Variants in STX7 observed in about 807,000 individuals in gnomAD.
The protein encoded by STX7 is syntaxin 7.
STX7 carries 34 observed loss-of-function variants against 39.6 expected under a neutral mutation model. The ratio of observed to expected loss-of-function variants is 0.86; its 90% confidence interval spans 0.65 to 1.14. The LOEUF (loss-of-function observed/expected upper bound fraction) is 1.14, where lower values mean the gene tolerates loss of function less well. Among genes scored for constraint, STX7 ranks in the 50% most tolerant of loss-of-function variants. STX7 has a pLI of 0.00. For synonymous variants in STX7, 119 were observed against 99.1 expected (o/e 1.20, Z -1.19); for missense variants, 284 against 310.4 (o/e 0.92, Z 0.64).
intron 9 of STX7, 24 bp downstream of exon 9, chr6:132,463,969 G>A (rs759441435): frequency 1.2e-6 from 2 of 1,612,008 alleles, no homozygotes; most frequent in Non-Finnish European, 1.7e-6. Flanking sequence ...TAAGTTATAA[G>A]AAAATTGATC....
chr6:132,479,445 T>C (rs1422572231), intron 2 of STX7, among the ~76,000 whole-genome samples: 2 of 152,218 alleles, frequency 1.3e-5, no homozygotes, highest in South Asian at 2.1e-4. Flanking sequence ...TTTTGAGACT[T>C]GTTCTGGCCT....
rs1436680409 is a variant in STX7, at chr6:132,447,652, TCTC to T, written c.*13103_*13105del. On this transcript the variant is annotated 3_prime_UTR_variant, in exon 10 of 10. Coordinates refer to ENST00000367941, the MANE Select transcript of STX7 (RefSeq NM_003569.3). ...TTGAAATTTTTATTATTTTTGAGAG[TCTC>T]CTTATCCTTATTAATGCTTTTCACT... is the stretch of plus-strand genomic sequence containing the variant. 1 of 152,090 alleles carries T rather than the reference TCTC, an allele frequency of 6.6e-6. No homozygotes were observed. Among genetic ancestry groups the T allele is most frequent in the Non-Finnish European group, 1.5e-5 (1 of 68,000 alleles). The allele number at this position is 152,090 out of a possible 1,614,324, so 9.4% of individuals were successfully genotyped here. A position where few individuals can be genotyped will look rare whatever the true frequency, so the allele number is the denominator to read the frequency against.
chr6:132,503,329 G>A, intron 2 of STX7, 117 bp downstream of exon 2: 1 of 807,094 alleles, frequency 1.2e-6, no homozygotes, highest in Non-Finnish European at 2.1e-6. Context: ...TTTAAAACCT[G>A]TTGTTAGAGG....
At chr6:132,498,359 C>T (rs1775469359) in intron 2 of STX7, among the ~76,000 whole-genome samples, 1 of 152,030 alleles carries the variant, frequency 6.6e-6, no homozygotes, top group Non-Finnish European at 1.5e-5. Context: ...ATTCAAAAGA[C>T]TGCAGATGGT....
At chr6:132,490,370 T>G (rs139533349) in intron 2 of STX7, among the ~76,000 whole-genome samples, 1 of 152,340 alleles carries the variant, frequency 6.6e-6, no homozygotes, top group East Asian at 1.9e-4. Flanking sequence ...TGCCAACACA[T>G]GCTGGCAGCT....
chr6:132,490,846 G>A (rs1323314876), intron 2 of STX7, among the ~76,000 whole-genome samples: 1 of 152,300 alleles, frequency 6.6e-6, no homozygotes, highest in East Asian at 1.9e-4. Flanking sequence ...TTGGAAAGAG[G>A]TGTCTGTGCA....
At chr6:132,466,262 C>A (rs909317026) in intron 8 of STX7, among the ~76,000 whole-genome samples, 2 of 152,220 alleles carry the variant, frequency 1.3e-5, no homozygotes, top group African/African-American at 2.4e-5. Flanking sequence ...AGCTGACCAT[C>A]TATTGTTCTG....
At position 132,448,699 on chromosome 6, in the gene STX7, G is replaced by C. The variant is rs1030227781; in HGVS notation, c.*12059C>G. 1.3e-5 allele frequency: 2 copies of C among 151,974 alleles called. No homozygotes were observed. The highest frequency in any genetic ancestry group is 6.6e-5 in the Admixed American group (1 of 15,254). The allele number at this position is 151,974 out of a possible 1,614,324, so 9.4% of individuals were successfully genotyped here. On this transcript the variant is annotated 3_prime_UTR_variant, in exon 10 of 10. Transcript: ENST00000367941. ...AAAATACAAAAAAATTAGCCAGGTTGTGGTGGCGCACACCTGTACTCCCAG... is the reference window on the plus strand; with the variant it reads ...AAAATACAAAAAAATTAGCCAGGTTCTGGTGGCGCACACCTGTACTCCCAG...
chr6:132,490,842 A>G (rs923680008), intron 2 of STX7, among the ~76,000 whole-genome samples: 34 of 152,180 alleles, frequency 2.2e-4, no homozygotes, highest in Non-Finnish European at 3.5e-4. Context: ...CACCTTGGAA[A>G]GAGGTGTCTG....
In STX7 at chr6:132,460,712, T is replaced by G. The variant is rs1292871190; in HGVS notation, c.*46A>C. ...AAAAACATGATTACAGGAATCTTCC[T>G]ACATAATTTAGACAATGTAGTGCGA... On this transcript the variant is annotated 3_prime_UTR_variant, in exon 10 of 10. Transcript: ENST00000367941. The G allele has an allele frequency of 7.4e-7, 1 of 1,347,388 alleles. No homozygotes were observed. Among genetic ancestry groups the G allele is most frequent in the African/African-American group, 1.5e-5 (1 of 68,286 alleles). 83.5% of individuals were successfully genotyped at this position (1,347,388 alleles called of 1,614,324 possible).
intron 9 of STX7, 35 bp downstream of exon 9, chr6:132,463,958 A>G (rs772887652): frequency 1.0e-5 from 16 of 1,599,856 alleles, no homozygotes; most frequent in East Asian, 6.7e-5. Flanking sequence ...TACGAAAAGG[A>G]TAAGTTATAA....
Position 132,468,482 on chromosome 6 carries a change from G to GA in STX7, c.538-8dup. On this transcript the variant is annotated splice_polypyrimidine_tract_variant and splice_region_variant and intron_variant, in intron 7 of 9. Coordinates refer to ENST00000367941, the MANE Select transcript of STX7 (RefSeq NM_003569.3). ...TAATATCCATAATATCAGCCTAAGA[G>GA]AAAACGCATATATTATTATAATCAG... 1 of 1,586,680 alleles carries GA rather than the reference G, an allele frequency of 6.3e-7. No individual in the cohort carries two copies. Among genetic ancestry groups the GA allele is most frequent in the South Asian group, 1.1e-5 (1 of 88,806 alleles).
intron 2 of STX7, among the ~76,000 whole-genome samples, chr6:132,500,930 T>C (rs1775543158): frequency 6.6e-6 from 1 of 152,224 alleles, no homozygotes; most frequent in Admixed American, 6.5e-5. Flanking sequence ...GAAATCTGAC[T>C]ACCTGTAGCT....
At chr6:132,479,878 T>G (rs1156410970) in intron 2 of STX7, among the ~76,000 whole-genome samples, 1 of 152,230 alleles carries the variant, frequency 6.6e-6, no homozygotes, top group Admixed American at 6.5e-5. Flanking sequence ...TATGGCTAAT[T>G]ATCTTTACAA....
chr6:132,490,903 G>A (rs1355808954), intron 2 of STX7, among the ~76,000 whole-genome samples: 1 of 152,030 alleles, frequency 6.6e-6, no homozygotes, highest in African/African-American at 2.4e-5. Flanking sequence ...GATGGAGCGG[G>A]AAGCCCTCCT....
chr6:132,490,654 A>C (rs1474471122), intron 2 of STX7, among the ~76,000 whole-genome samples: 1 of 152,182 alleles, frequency 6.6e-6, no homozygotes, highest in African/African-American at 2.4e-5. Flanking sequence ...CCGGGGTTGC[A>C]GAGCTCCACA....
rs567471721 is a variant in STX7, at chr6:132,448,116, T to C, written c.*12642A>G. Reference sequence around the variant, plus strand: ...ATCTTAACTTCCATCCTAAAGAGTATCAGGATCTTGGAGCACTCACACTAA... The same window carrying C: ...ATCTTAACTTCCATCCTAAAGAGTACCAGGATCTTGGAGCACTCACACTAA... On this transcript the variant is annotated 3_prime_UTR_variant, in exon 10 of 10. Transcript: ENST00000367941. The C allele has an allele frequency of 2.6e-5, 4 of 152,322 alleles. No homozygotes were observed. The East Asian group carries it at 7.7e-4, about 29-fold the overall frequency. 9.4% of individuals were successfully genotyped at this position (152,322 alleles called of 1,614,324 possible). A position where few individuals can be genotyped will look rare whatever the true frequency, so the allele number is the denominator to read the frequency against.
intron 2 of STX7, among the ~76,000 whole-genome samples, chr6:132,475,976 T>G (rs779539952): frequency 1.1e-4 from 17 of 152,148 alleles, no homozygotes; most frequent in Admixed American, 2.0e-4. Context: ...ACTTTAACAC[T>G]ACTAGCATAA....
At chr6:132,498,523 T>A (rs1260350865) in intron 2 of STX7, among the ~76,000 whole-genome samples, 3 of 152,196 alleles carry the variant, frequency 2.0e-5, no homozygotes. Flanking sequence ...TCAAGAAGAC[T>A]TTAGCTTTAG....
Sources: gnomAD v4.1 joint callset for allele counts (sites outside exome capture counted in the v4.1 genomes callset) on GRCh38, gnomAD v4.1.1 for gene constraint, MANE v1.5 for transcripts, NCBI Gene and HGNC (gene_info 2026-07-23, HGNC 2026-07-21) for gene names.